Variants in SLC35F4 observed in about 807,000 individuals in gnomAD.
SLC35F4 encodes chromosome 14 open reading frame 36.
In SLC35F4, 24 loss-of-function variants were observed where a neutral mutation model predicts 44.2. The ratio of observed to expected loss-of-function variants is 0.54; its 90% CI spans 0.39 to 0.76. The LOEUF (loss-of-function observed/expected upper bound fraction) is 0.76. Among genes scored for constraint, SLC35F4 ranks in the 30% least tolerant of loss-of-function variants. The pLI is 0.00. For synonymous variants in SLC35F4, 238 were observed against 223.6 expected, an observed-to-expected ratio of 1.06 and a Z score of -0.57; for missense variants, 562 against 586.1, an observed-to-expected ratio of 0.96 and a Z score of 0.42.
intron 1 of SLC35F4, among the ~76,000 whole-genome samples, chr14:57,722,363 G>A (rs943073584): frequency 3.3e-5 from 5 of 152,220 alleles, no homozygotes; most frequent in Admixed American, 6.5e-5. Flanking sequence ...GGCTTAGGGA[G>A]ATTAGAATGG....
chr14:57,790,458 A>G (rs2077887065), intron 1 of SLC35F4, among the ~76,000 whole-genome samples: 1 of 152,230 alleles, frequency 6.6e-6, no homozygotes, highest in Non-Finnish European at 1.5e-5. Flanking sequence ...AATGAAAACT[A>G]CAAACCACTG....
At chr14:57,570,415 T>C (rs974505517) in intron 5 of SLC35F4, among the ~76,000 whole-genome samples, 4 of 152,218 alleles carry the variant, frequency 2.6e-5, no homozygotes, top group African/African-American at 9.7e-5. Context: ...CATTATGTTG[T>C]TGAGAGAAAT....
chr14:57,900,985 G>C, intron 1 of SLC35F4, among the ~76,000 whole-genome samples: 2 of 152,100 alleles, frequency 1.3e-5, no homozygotes, highest in Middle Eastern at 6.8e-3. Flanking sequence ...ACCATCTCAC[G>C]CCAGTCAGAA....
In SLC35F4 at chr14:57,695,257, T is replaced by C. The variant is rs573990224; in HGVS notation, c.104-101133A>G. ...CAACCTACAGAATGGGAGAAAATTTTTGCAACCTACTCATCTGACAAACGG... is the reference window on the plus strand; with the variant it reads ...CAACCTACAGAATGGGAGAAAATTTCTGCAACCTACTCATCTGACAAACGG... On this transcript the variant is annotated intron_variant, in intron 1 of 7. Coordinates refer to ENST00000556826, the MANE Select transcript of SLC35F4 (RefSeq NM_001306087.2). Among the ~76,000 whole-genome samples, 90 of 152,242 alleles carry C rather than the reference T, an allele frequency of 5.9e-4. 1 individual carries two copies. Among genetic ancestry groups the C allele is most frequent in the African/African-American group, 1.9e-3 (81 of 41,546 alleles).
At chr14:57,744,955 G>A (rs1416413440) in intron 1 of SLC35F4, among the ~76,000 whole-genome samples, 1 of 150,672 alleles carries the variant, frequency 6.6e-6, no homozygotes, top group Non-Finnish European at 1.5e-5. Context: ...CTAACCATCT[G>A]ATCTTTGACA....
At chr14:57,835,995 AT>A (rs1414934455) in intron 1 of SLC35F4, among the ~76,000 whole-genome samples, 4 of 152,184 alleles carry the variant, frequency 2.6e-5, no homozygotes, top group Non-Finnish European at 4.4e-5. Context: ...CTGCATCAAG[AT>A]GCAGGTTGTG....
chr14:57,564,590 C>G (rs2068112143), intron 7 of SLC35F4, among the ~76,000 whole-genome samples: 1 of 152,176 alleles, frequency 6.6e-6, no homozygotes, highest in Non-Finnish European at 1.5e-5. Context: ...TCCATGTAAT[C>G]TGACTTAGTT....
intron 1 of SLC35F4, among the ~76,000 whole-genome samples, chr14:57,598,801 C>T (rs1461547374): frequency 2.0e-5 from 3 of 152,166 alleles, no homozygotes; most frequent in Admixed American, 6.5e-5. Flanking sequence ...GTGAAGCAAA[C>T]ACCGCTATAT....
At chr14:57,808,291 G>A (rs1050831011) in intron 1 of SLC35F4, among the ~76,000 whole-genome samples, 1 of 151,920 alleles carries the variant, frequency 6.6e-6, no homozygotes, top group African/African-American at 2.4e-5. Flanking sequence ...AAGTCAGACA[G>A]CAACTGGAAT....
At chr14:57,798,029 A>T (rs2078095716) in intron 1 of SLC35F4, among the ~76,000 whole-genome samples, 1 of 150,490 alleles carries the variant, frequency 6.6e-6, no homozygotes, top group Non-Finnish European at 1.5e-5. Flanking sequence ...ACTCCAGAAA[A>T]GACCCATGAA....
intron 1 of SLC35F4, among the ~76,000 whole-genome samples, chr14:57,700,181 A>G (rs191699253): frequency 6.6e-6 from 1 of 152,346 alleles, no homozygotes; most frequent in East Asian, 1.9e-4. Flanking sequence ...TACCTAGGCT[A>G]TATGGTATAA....
At chr14:57,722,411 C>T (rs1439528873) in intron 1 of SLC35F4, among the ~76,000 whole-genome samples, 1 of 152,164 alleles carries the variant, frequency 6.6e-6, no homozygotes, top group African/African-American at 2.4e-5. Flanking sequence ...CTCATCCCAG[C>T]TGGGAGGGTC....
At chr14:57,585,053 T>G (rs148059679) in intron 3 of SLC35F4, among the ~76,000 whole-genome samples, 25 of 152,318 alleles carry the variant, frequency 1.6e-4, no homozygotes, top group African/African-American at 5.8e-4. Context: ...CATAGGGCTC[T>G]CCCCCAATCC....
At chr14:57,566,340 A>C in intron 7 of SLC35F4, 135 bp downstream of exon 7, 1 of 757,866 alleles carries the variant, frequency 1.3e-6, no homozygotes, top group Non-Finnish European at 2.1e-6. Flanking sequence ...TGCCACCTTC[A>C]TGATATTTAA....
chr14:57,623,618 C>T (rs1224556740), intron 1 of SLC35F4, among the ~76,000 whole-genome samples: 1 of 152,158 alleles, frequency 6.6e-6, no homozygotes, highest in Non-Finnish European at 1.5e-5. Context: ...GACCACAGTG[C>T]AATCAAATTA....
chr14:57,737,128 G>GTGCA (rs2076485939), intron 1 of SLC35F4, among the ~76,000 whole-genome samples: 2 of 151,074 alleles, frequency 1.3e-5, no homozygotes, highest in Non-Finnish European at 3.0e-5. Context: ...GTGTGTGCAT[G>GTGCA]TGTGTGTGTG....
intron 1 of SLC35F4, among the ~76,000 whole-genome samples, chr14:57,884,555 G>T (rs1595267463): frequency 6.6e-6 from 1 of 152,192 alleles, no homozygotes; most frequent in East Asian, 1.9e-4. Flanking sequence ...AACAAAAGAA[G>T]CAGCCACTTT....
chr14:57,628,807 C>A (rs1409057595), intron 1 of SLC35F4, among the ~76,000 whole-genome samples: 1 of 152,094 alleles, frequency 6.6e-6, no homozygotes. Flanking sequence ...ATCAAAGCAA[C>A]TTTAAAAAAA....
At position 57,799,905 on chromosome 14, in the gene SLC35F4, G is replaced by T. The variant is rs866426995; in HGVS notation, c.103+65818C>A. Reference sequence around the variant, plus strand: ...GGGGAGGTGCAGACACCATCTCTGCGGTTCAGTCAACTCAGCTTTTCCAGC... The same window carrying T: ...GGGGAGGTGCAGACACCATCTCTGCTGTTCAGTCAACTCAGCTTTTCCAGC... On this transcript the variant is annotated intron_variant, in intron 1 of 7. Transcript: ENST00000556826. Among the ~76,000 whole-genome samples, 3 of 152,178 alleles carry T rather than the reference G, an allele frequency of 2.0e-5. No homozygotes were observed. In the East Asian group the frequency reaches 5.8e-4, roughly 29 times the overall value.
Sources: gnomAD v4.1 joint callset for allele counts (sites outside exome capture counted in the v4.1 genomes callset) on GRCh38, gnomAD v4.1.1 for gene constraint, MANE v1.5 for transcripts, NCBI Gene and HGNC (gene_info 2026-07-23, HGNC 2026-07-21) for gene names.